Variants in MPZL1 observed in about 807,000 individuals in gnomAD.
The protein encoded by MPZL1 is myelin protein zero like 1, also known as myelin protein zero-like protein 1.
In MPZL1, 16 loss-of-function variants were observed where a neutral mutation model predicts 29.3. The ratio of observed to expected loss-of-function variants is 0.55; its 90% CI spans 0.37 to 0.83. MPZL1 has a LOEUF of 0.83. Among genes scored for constraint, MPZL1 ranks in the 40% least tolerant of loss-of-function variants. MPZL1 has a pLI of 0.00. For synonymous variants in MPZL1, 143 were observed against 132.0 expected, an observed-to-expected ratio of 1.08 and a Z score of -0.57; for missense variants, 279 against 332.9, an observed-to-expected ratio of 0.84 and a Z score of 1.26.
At position 167,773,260 on chromosome 1, in the gene MPZL1, G is replaced by A; in HGVS notation, c.497G>A (p.Trp166Ter). The change falls in exon 4 of 6, where the codon TGG (tryptophan) becomes TAG (stop). Residue 166 changes from tryptophan (W) to a stop codon, truncating the protein, a stop_gained. Transcript: ENST00000359523. LOFTEE classifies it high-confidence loss of function. ...EKENLPVFPVWVVVGIVTAVV... is the reference protein window; with the variant it reads ...EKENLPVFPV ...GAGAATTTGCCTGTGTTTCCAGTTT[G>A]GGTAGTGGTGGGCATAGTTACTGCT... 1 of 1,613,290 alleles carries A rather than the reference G, an allele frequency of 6.2e-7. No homozygotes were observed. The highest frequency in any genetic ancestry group is 8.5e-7 in the Non-Finnish European group (1 of 1,179,312).
intron 1 of MPZL1, chr1:167,765,336 A>G (rs192016553): frequency 1.8e-5 from 4 of 225,128 alleles, no homozygotes; most frequent in Admixed American, 5.7e-5. Context: ...AAAAAATTCA[A>G]TATAACCAGA....
intron 1 of MPZL1, among the ~76,000 whole-genome samples, chr1:167,759,636 T>C (rs1404032314): frequency 6.6e-6 from 1 of 152,228 alleles, no homozygotes; most frequent in Non-Finnish European, 1.5e-5. Flanking sequence ...AAGGAAACCA[T>C]GTGCAGTTTT....
intron 1 of MPZL1, among the ~76,000 whole-genome samples, chr1:167,733,923 C>CT (rs1293352645): frequency 1.3e-5 from 2 of 151,474 alleles, no homozygotes; most frequent in Non-Finnish European, 2.9e-5. Flanking sequence ...AAGATATGTC[C>CT]TCTGGACACT....
At chr1:167,765,531 T>C (rs748892467) in intron 1 of MPZL1, 52 bp from the exon 2 acceptor site, 5 of 1,487,950 alleles carry the variant, frequency 3.4e-6, no homozygotes, top group Non-Finnish European at 4.6e-6. Context: ...AAATGCACAG[T>C]GGTATTCATG....
chr1:167,756,780 G>A (rs1335416851), intron 1 of MPZL1, among the ~76,000 whole-genome samples: 1 of 152,030 alleles, frequency 6.6e-6, no homozygotes, highest in Non-Finnish European at 1.5e-5. Context: ...AAAGGGCCAG[G>A]CATTTGTCAG....
intron 1 of MPZL1, among the ~76,000 whole-genome samples, chr1:167,763,495 G>A (rs72697769): frequency 0.17 from 25,313 of 148,672 alleles, 2,427 homozygotes; most frequent in East Asian, 0.36. Flanking sequence ...ATTGAGACTC[G>A]GTCTCAAAAA....
intron 1 of MPZL1, among the ~76,000 whole-genome samples, chr1:167,735,715 A>G (rs1660363915): frequency 6.6e-6 from 1 of 152,100 alleles, no homozygotes; most frequent in Non-Finnish European, 1.5e-5. Flanking sequence ...TTTTTCAGGG[A>G]TGGTCAGTCT....
chr1:167,723,778 A>G (rs988316844), intron 1 of MPZL1, among the ~76,000 whole-genome samples: 2 of 152,248 alleles, frequency 1.3e-5, no homozygotes, highest in Non-Finnish European at 1.5e-5. Context: ...ATATGTAAAA[A>G]TCAGCAGCTG....
At chr1:167,742,225 G>A (rs148571003) in intron 1 of MPZL1, among the ~76,000 whole-genome samples, 21,786 of 150,246 alleles carry the variant, frequency 0.15, 2,236 homozygotes, top group East Asian at 0.36. Flanking sequence ...CCTGGGAGGC[G>A]GAGGTTGCAG....
intron 1 of MPZL1, among the ~76,000 whole-genome samples, chr1:167,732,133 G>A (rs1660284921): frequency 6.6e-6 from 1 of 152,150 alleles, no homozygotes; most frequent in Admixed American, 6.5e-5. Context: ...TATAGGTATT[G>A]TATTAATTTT....
intron 1 of MPZL1, among the ~76,000 whole-genome samples, chr1:167,763,758 T>C (rs1429452990): frequency 6.6e-6 from 1 of 152,122 alleles, no homozygotes; most frequent in Non-Finnish European, 1.5e-5. Context: ...AGGAACTCTT[T>C]TGTTTGCATC....
intron 2 of MPZL1, among the ~76,000 whole-genome samples, chr1:167,768,108 A>G (rs567520849): frequency 3.3e-5 from 5 of 151,844 alleles, no homozygotes; most frequent in Admixed American, 6.6e-5. Context: ...TCATCTTTCA[A>G]TCCAACCCTC....
At chr1:167,762,233 A>G (rs1463721554) in intron 1 of MPZL1, among the ~76,000 whole-genome samples, 1 of 152,152 alleles carries the variant, frequency 6.6e-6, no homozygotes, top group African/African-American at 2.4e-5. Context: ...AACATCCTAC[A>G]AGGTATAGCA....
At chr1:167,785,470 G>A (rs1661573061) in intron 5 of MPZL1, among the ~76,000 whole-genome samples, 1 of 152,220 alleles carries the variant, frequency 6.6e-6, no homozygotes, top group Admixed American at 6.5e-5. Context: ...CTGTTAGTCA[G>A]AGCTGATCAC....
chr1:167,787,750 C>A, intron 5 of MPZL1, 70 bp from the exon 6 acceptor site: 1 of 1,148,430 alleles, frequency 8.7e-7, no homozygotes, highest in Non-Finnish European at 1.3e-6. Flanking sequence ...TTAATCATTG[C>A]TTCTATGCCT....
At chr1:167,756,005 C>A (rs1660861588) in intron 1 of MPZL1, among the ~76,000 whole-genome samples, 1 of 152,028 alleles carries the variant, frequency 6.6e-6, no homozygotes, top group African/African-American at 2.4e-5. Context: ...GATTCAGGAC[C>A]CTTTGAGCAT....
chr1:167,765,739 C>T lies in MPZL1; in HGVS notation c.248C>T (p.Thr83Ile), dbSNP rs369996563. Residue 83 changes from threonine to isoleucine, a missense_variant, in exon 2 of 6, where the codon ACT becomes ATT. Transcript: ENST00000359523. ...AGCTTCCAGCCAGAGGGGGCCGACA[C>T]TACTGTGTCGGTAAGAATGCTTGAC... ...SWSFQPEGAD[T>I]TVSFFHYSQG... is the part of the protein sequence containing the mutation. 1.9e-6 allele frequency: 3 copies of T among 1,607,032 alleles called. No homozygotes were observed. The highest frequency in any genetic ancestry group is 2.5e-6 in the Non-Finnish European group (3 of 1,177,156).
At chr1:167,730,016 C>G (rs1014569051) in intron 1 of MPZL1, among the ~76,000 whole-genome samples, 2 of 152,184 alleles carry the variant, frequency 1.3e-5, no homozygotes, top group African/African-American at 4.8e-5. Context: ...TTCAAAGTCT[C>G]TAAACATTTT....
chr1:167,753,922 G>C (rs1033906183), intron 1 of MPZL1, among the ~76,000 whole-genome samples: 4 of 150,032 alleles, frequency 2.7e-5, no homozygotes, highest in Admixed American at 6.6e-5. Flanking sequence ...GAGCCACTGC[G>C]CCTGGCCTTT....
Sources: allele counts gnomAD v4.1 joint callset (sites outside exome capture counted in the v4.1 genomes callset), GRCh38; gene constraint gnomAD v4.1.1; transcripts MANE v1.5; gene names NCBI Gene and HGNC (gene_info 2026-07-23, HGNC 2026-07-21).